Variants in OSBPL2 observed in about 807,000 individuals in gnomAD.
OSBPL2 encodes oxysterol binding protein like 2, also known as oxysterol-binding protein-related protein 2.
A neutral mutation model predicts 58.4 loss-of-function variants in OSBPL2; 18 were observed. The observed-to-expected ratio is 0.31, with a 90% CI of 0.21 to 0.46. The LOEUF is 0.46. OSBPL2 is among the 20% of genes least tolerant of loss of function. The pLI is 1.00. For synonymous variants in OSBPL2, 221 were observed against 234.1 expected, an observed-to-expected ratio of 0.94 and a Z score of 0.51; for missense variants, 461 against 616.5, an observed-to-expected ratio of 0.75 and a Z score of 2.67.
At chr20:62,281,553 A>C (rs553838495) in intron 8 of OSBPL2, 1 of 532,736 alleles carries the variant, frequency 1.9e-6, no homozygotes, top group Non-Finnish European at 3.4e-6. Context: ...TCGATGCATC[A>C]TAAGACTCGC....
At chr20:62,291,645 G>A in intron 12 of OSBPL2, 58 bp from the exon 13 acceptor site, 1 of 1,395,898 alleles carries the variant, frequency 7.2e-7, no homozygotes, top group Non-Finnish European at 1.0e-6. Flanking sequence ...TGCATAGGGG[G>A]TGGCGGGGTG....
intron 1 of OSBPL2, among the ~76,000 whole-genome samples, chr20:62,243,461 C>T (rs982091514): frequency 3.4e-5 from 2 of 59,180 alleles, no homozygotes; most frequent in African/African-American, 7.3e-5. Flanking sequence ...GCGCCTGCCC[C>T]GCAGCGCCTG....
chr20:62,275,933 G>A (rs1227221162), intron 6 of OSBPL2, among the ~76,000 whole-genome samples: 2 of 137,028 alleles, frequency 1.5e-5, no homozygotes, highest in East Asian at 2.2e-4. Flanking sequence ...TTTTTGAGAC[G>A]GAATCTCCAT....
Position 62,269,865 on chromosome 20 carries a change from G to T in OSBPL2, c.259-2260G>T, listed in dbSNP as rs1277608279. Among the ~76,000 whole-genome samples the T allele has an allele frequency of 6.6e-6, 1 of 152,240 alleles. No individual in the cohort carries two copies. Among genetic ancestry groups the T allele is most frequent in the East Asian group, 1.9e-4 (1 of 5,204 alleles). On this transcript the variant is annotated intron_variant, in intron 4 of 13. Coordinates refer to ENST00000313733, the MANE Select transcript of OSBPL2 (RefSeq NM_144498.4). This position sits in a 1 kb window ranked among gnomAD's most constrained non-coding sequence, Gnocchi z 4.2. ...TTGGCCACACCCATGTGCCGGGGCT[G>T]CCTCAGTTGGAATCCAGTTCTAGCC...
chr20:62,256,212 G>T lies in OSBPL2; in HGVS notation c.28G>T (p.Ala10Ser). 3.1e-6 allele frequency: 5 copies of T among 1,613,866 alleles called. No individual in the cohort carries two copies. The highest frequency in any genetic ancestry group is 4.2e-6 in the Non-Finnish European group (5 of 1,179,820). MNGEEEFFDAVTGFDSDNSS... is the reference protein window; with the variant it reads MNGEEEFFDSVTGFDSDNSS... ...GAACGGAGAGGAAGAATTCTTTGAT[G>T]CCGTCACAGGTGAGTCAAAAGAGAA... Residue 10 changes from alanine to serine, a missense_variant, in exon 2 of 14, where the codon GCC becomes TCC. Transcript: ENST00000313733.
rs78182935 is a variant in OSBPL2, at chr20:62,285,225, C to T, written c.996+1056C>T. 295 of 152,352 alleles carry T rather than the reference C, an allele frequency of 1.9e-3. 1 individual carries two copies. Among genetic ancestry groups the T allele is most frequent in the African/African-American group, 6.9e-3 (285 of 41,580 alleles). The allele number at this position is 152,352 out of a possible 1,614,324, so 9.4% of individuals were successfully genotyped here. On this transcript the variant is annotated intron_variant, in intron 10 of 13. Coordinates refer to ENST00000313733, the MANE Select transcript of OSBPL2 (RefSeq NM_144498.4). ...CCTCTTTTATTTAAAAAGGAAAATT[C>T]TGCTTACACACTAGACAGACCTAGA...
At chr20:62,251,497 C>G (rs1980539375) in intron 1 of OSBPL2, among the ~76,000 whole-genome samples, 1 of 151,624 alleles carries the variant, frequency 6.6e-6, no homozygotes, top group Non-Finnish European at 1.5e-5. Context: ...CAACCTCTGC[C>G]TCCTGGGTTC....
At chr20:62,260,776 C>T (rs1169068001) in intron 3 of OSBPL2, among the ~76,000 whole-genome samples, 1 of 151,198 alleles carries the variant, frequency 6.6e-6, no homozygotes, top group East Asian at 2.0e-4. Context: ...TCACTTGAGC[C>T]CAGGAGTTGG....
intron 1 of OSBPL2, among the ~76,000 whole-genome samples, chr20:62,254,599 G>A (rs535765131): frequency 4.6e-5 from 7 of 152,272 alleles, no homozygotes; most frequent in Non-Finnish European, 1.0e-4. Flanking sequence ...CTGCTGCCCC[G>A]TGCGGCTGTG....
intron 2 of OSBPL2, among the ~76,000 whole-genome samples, chr20:62,259,737 G>A (rs577199025): frequency 3.3e-5 from 5 of 152,196 alleles, no homozygotes; most frequent in East Asian, 1.9e-4. Flanking sequence ...AATCACAAGC[G>A]TGGGAGGAGC....
intron 4 of OSBPL2, among the ~76,000 whole-genome samples, chr20:62,268,971 C>A (rs1301409418): frequency 6.6e-6 from 1 of 151,976 alleles, no homozygotes. Context: ...GCAGGCGAAT[C>A]GCTTGAACCC....
chr20:62,273,250 C>A, intron 5 of OSBPL2, 59 bp from the exon 6 acceptor site: 1 of 1,383,662 alleles, frequency 7.2e-7, no homozygotes, highest in Non-Finnish European at 1.0e-6. Flanking sequence ...AAGAGGCCAT[C>A]TTCTCCAGCG....
chr20:62,260,186 G>T, intron 3 of OSBPL2, 61 bp downstream of exon 3: 1 of 1,528,818 alleles, frequency 6.5e-7, no homozygotes, highest in Non-Finnish European at 9.0e-7. Flanking sequence ...AAAATACTCT[G>T]CAGGGTACCC....
intron 12 of OSBPL2, 58 bp from the exon 13 acceptor site, chr20:62,291,645 G>T (rs1036920375): frequency 1.4e-6 from 2 of 1,395,898 alleles, no homozygotes; most frequent in Admixed American, 1.7e-5. Context: ...TGCATAGGGG[G>T]TGGCGGGGTG....
At chr20:62,266,856 A>G (rs1981702060) in intron 4 of OSBPL2, among the ~76,000 whole-genome samples, 1 of 152,360 alleles carries the variant, frequency 6.6e-6, no homozygotes, top group Admixed American at 6.5e-5. Context: ...TCAAATGTCC[A>G]GTGGTCTCAC....
In OSBPL2 at chr20:62,260,519, C is replaced by T. The variant is rs528999565; in HGVS notation, c.182+394C>T. Among the ~76,000 whole-genome samples, 16 of 152,310 alleles carry T rather than the reference C, an allele frequency of 1.1e-4. No individual in the cohort carries two copies. In the South Asian group the frequency reaches 2.5e-3, roughly 24 times the overall value. On this transcript the variant is annotated intron_variant, in intron 3 of 13. Coordinates refer to ENST00000313733, the MANE Select transcript of OSBPL2 (RefSeq NM_144498.4). ...ACAGATCTGCCTGCTTTTCCATGGG[C>T]GGCCAAGTTCATCCTCTGTCTCAGC...
chr20:62,260,266 T>G (rs1401418096), intron 3 of OSBPL2, 141 bp downstream of exon 3: 1 of 762,708 alleles, frequency 1.3e-6, no homozygotes, highest in Non-Finnish European at 2.1e-6. Context: ...CCGGACAGCC[T>G]CCTCTGTCTG....
At chr20:62,266,090 C>T (rs1466261270) in intron 4 of OSBPL2, among the ~76,000 whole-genome samples, 1 of 152,060 alleles carries the variant, frequency 6.6e-6, no homozygotes, top group Non-Finnish European at 1.5e-5. Context: ...CCACTGTGCT[C>T]CAGCCTAGAT....
intron 1 of OSBPL2, among the ~76,000 whole-genome samples, chr20:62,250,160 C>G (rs766207487): frequency 1.7e-4 from 26 of 152,250 alleles, no homozygotes; most frequent in Non-Finnish European, 3.5e-4. Flanking sequence ...ACCAGGTAGG[C>G]TCTCTGTGAG....
Sources: allele counts gnomAD v4.1 joint callset (sites outside exome capture counted in the v4.1 genomes callset), GRCh38; gene constraint gnomAD v4.1.1; non-coding constraint Gnocchi (gnomAD v3.1); transcripts MANE v1.5; gene names NCBI Gene and HGNC (gene_info 2026-07-23, HGNC 2026-07-21).